RBPMS: variants seen among roughly 807,000 people sequenced by gnomAD.
RBPMS encodes the protein RNA-binding protein with multiple splicing.
Under a neutral mutation model 26.8 loss-of-function variants are expected in RBPMS, and 7 were observed. The observed-to-expected ratio is 0.26, with a 90% CI of 0.15 to 0.49. The LOEUF is 0.49. RBPMS is among the 20% of genes least tolerant of loss of function. RBPMS has a pLI of 0.98. For missense variants in RBPMS, 186 were observed against 250.0 expected (o/e 0.74, Z 1.73); for synonymous variants, 96 against 93.3 (o/e 1.03, Z -0.17).
intron 6 of RBPMS, among the ~76,000 whole-genome samples, chr8:30,546,777 A>G (rs1344471469): frequency 1.3e-5 from 2 of 152,238 alleles, no homozygotes; most frequent in Non-Finnish European, 2.9e-5. Context: ...TTTGTCCAGT[A>G]TGAGAATCAG....
At chr8:30,425,757 C>T (rs1811282140) in intron 1 of RBPMS, among the ~76,000 whole-genome samples, 1 of 152,068 alleles carries the variant, frequency 6.6e-6, no homozygotes. Flanking sequence ...TTGTCAGGCA[C>T]TTCCTACGTC....
At chr8:30,427,771 A>G (rs1811514993) in intron 1 of RBPMS, among the ~76,000 whole-genome samples, 1 of 152,204 alleles carries the variant, frequency 6.6e-6, no homozygotes, top group South Asian at 2.1e-4. Flanking sequence ...GGGTTAGAAC[A>G]CAGGACGCAG....
intron 5 of RBPMS, among the ~76,000 whole-genome samples, chr8:30,524,192 G>A (rs970297028): frequency 1.3e-5 from 2 of 152,000 alleles, no homozygotes; most frequent in African/African-American, 4.8e-5. Context: ...AGGATTAGTG[G>A]TCTCTCATTT....
rs1554533817 is a variant in RBPMS, at chr8:30,518,711, T to TTTTTTTTTTC, written c.397+14279_397+14280insTTTTTCTTTT. On this transcript the variant is annotated intron_variant, in intron 5 of 8. Coordinates refer to ENST00000397323, the MANE Select transcript of RBPMS (RefSeq NM_001008710.3). ...ACTTTTTTTTTTTTTTTTTTTTTTT[T>TTTTTTTTTTC]TTTTCTGAAAAGGAGTATGATTTTT... Among the ~76,000 whole-genome samples the TTTTTTTTTTC allele has an allele frequency of 2.0e-4, 27 of 136,716 alleles. 4 individuals carry two copies. The highest frequency in any genetic ancestry group is 3.8e-4 in the Non-Finnish European group (24 of 63,916). The allele number at this position is 136,716 out of a possible 152,430, so 89.7% of individuals were successfully genotyped here.
intron 1 of RBPMS, among the ~76,000 whole-genome samples, chr8:30,408,280 G>A (rs566568487): frequency 1.3e-5 from 2 of 152,278 alleles, no homozygotes; most frequent in Admixed American, 6.5e-5. Flanking sequence ...CAGCAATCCA[G>A]CACTTTAGGA....
chr8:30,520,498 A>C (rs1822916670), intron 5 of RBPMS, among the ~76,000 whole-genome samples: 1 of 152,142 alleles, frequency 6.6e-6, no homozygotes, highest in African/African-American at 2.4e-5. Context: ...TTTTGATAGA[A>C]GGAAACACCA....
chr8:30,519,525 C>A (rs761046106), intron 5 of RBPMS, among the ~76,000 whole-genome samples: 1 of 123,978 alleles, frequency 8.1e-6, no homozygotes. Flanking sequence ...ACTGTGTTGC[C>A]CAGGCTGGAG....
chr8:30,562,124 A>T (rs1318481046), intron 7 of RBPMS: 4 of 748,712 alleles, frequency 5.3e-6, no homozygotes, highest in Non-Finnish European at 6.5e-6. Context: ...TGATGCCAGA[A>T]GTTTGAGACC....
At chr8:30,497,345 C>T (rs1386169212) in intron 4 of RBPMS, among the ~76,000 whole-genome samples, 1 of 152,034 alleles carries the variant, frequency 6.6e-6, no homozygotes, top group Non-Finnish European at 1.5e-5. Context: ...GAGTTCAAGA[C>T]CAGCCTGACA....
chr8:30,547,220 G>C (rs1462445229), intron 6 of RBPMS: 14 of 996,864 alleles, frequency 1.4e-5, no homozygotes, highest in Non-Finnish European at 2.2e-5. Context: ...CTTTGGAGAG[G>C]CTTTAAATAA....
chr8:30,521,008 G>A (rs377612037), intron 5 of RBPMS, among the ~76,000 whole-genome samples: 1 of 152,238 alleles, frequency 6.6e-6, no homozygotes, highest in Admixed American at 6.5e-5. Flanking sequence ...AACAAGAAAA[G>A]AAATTTATCT....
At chr8:30,445,649 G>GAGATATATATATATATATATATATAT (rs1198019611) in intron 1 of RBPMS, among the ~76,000 whole-genome samples, 7 of 107,366 alleles carry the variant, frequency 6.5e-5, no homozygotes, top group Non-Finnish European at 3.7e-5. Flanking sequence ...TATACACACG[G>GAGATATATATATATATATATATATAT]ATATATATAT....
chr8:30,500,637 G>A (rs1402995077), intron 4 of RBPMS, among the ~76,000 whole-genome samples: 1 of 152,192 alleles, frequency 6.6e-6, no homozygotes, highest in Non-Finnish European at 1.5e-5. Flanking sequence ...TTTCTCTAGT[G>A]AGAGGCTGTT....
chr8:30,432,807 G>GAATA (rs754783227), intron 1 of RBPMS, among the ~76,000 whole-genome samples: 1 of 119,328 alleles, frequency 8.4e-6, no homozygotes, highest in Admixed American at 8.6e-5. Context: ...ACAAGGCAGG[G>GAATA]AATAAATAAA....
Position 30,547,219 on chromosome 8 carries a change from G to A in RBPMS, c.528+2595G>A, listed in dbSNP as rs1328265918. Reference sequence around the variant, plus strand: ...GGAAATCTTATAATGTCTTTGGAGAGGCTTTAAATAATTTTGTTTTTCTTA... The same window carrying A: ...GGAAATCTTATAATGTCTTTGGAGAAGCTTTAAATAATTTTGTTTTTCTTA... On this transcript the variant is annotated intron_variant, in intron 6 of 8. Transcript: ENST00000397323. 6.1e-6 allele frequency: 6 copies of A among 985,874 alleles called. No homozygotes were observed. In the East Asian group the frequency reaches 1.4e-4, roughly 24 times the overall value. The allele number at this position is 985,874 out of a possible 1,614,324, so 61.1% of individuals were successfully genotyped here. A position where few individuals can be genotyped will look rare whatever the true frequency, so the allele number is the denominator to read the frequency against.
At chr8:30,547,383 A>G in intron 6 of RBPMS, 1 of 1,613,006 alleles carries the variant, frequency 6.2e-7, no homozygotes, top group South Asian at 1.1e-5. Flanking sequence ...TTTGTAACAT[A>G]CCAACCTACT....
intron 4 of RBPMS, among the ~76,000 whole-genome samples, chr8:30,494,650 AATTG>A (rs1819738717): frequency 6.6e-6 from 1 of 152,086 alleles, no homozygotes; most frequent in Non-Finnish European, 1.5e-5. Flanking sequence ...GGTTCCACAA[AATTG>A]ATTGTGATGC....
At chr8:30,503,229 A>T (rs1265286751) in intron 4 of RBPMS, among the ~76,000 whole-genome samples, 1 of 152,050 alleles carries the variant, frequency 6.6e-6, no homozygotes, top group Admixed American at 6.6e-5. Flanking sequence ...CCTGGTCTCT[A>T]GAGTAAGAGA....
chr8:30,544,572 C>T lies in RBPMS; in HGVS notation c.476C>T (p.Ala159Val), dbSNP rs770601085. The part of the protein sequence containing the change: ...APYPLYPAEL[A>V]PALPPPAFTY... ...TACCCTCTGTACCCAGCGGAGTTAG[C>T]GCCTGCTCTACCTCCTCCTGCTTTC... Residue 159 changes from alanine (A) to valine (V), a missense_variant, in exon 6 of 9, where the codon GCG (alanine) becomes GTG (valine). Transcript: ENST00000397323. 24 of 1,613,962 alleles carry T rather than the reference C, an allele frequency of 1.5e-5. No individual in the cohort carries two copies. Among genetic ancestry groups the T allele is most frequent in the African/African-American group, 1.1e-4 (8 of 74,908 alleles).
Sources: gnomAD v4.1 joint callset for allele counts (sites outside exome capture counted in the v4.1 genomes callset) on GRCh38, gnomAD v4.1.1 for gene constraint, MANE v1.5 for transcripts, NCBI Gene and HGNC (gene_info 2026-07-23, HGNC 2026-07-21) for gene names.